Variants in EPB41 observed in about 807,000 individuals in gnomAD.
EPB41 encodes protein 4.1.
EPB41 carries 65 observed loss-of-function variants against 108.0 expected under a neutral mutation model. That is an observed-to-expected ratio of 0.60 (90% CI 0.49 to 0.74). The LOEUF (loss-of-function observed/expected upper bound fraction) is 0.74, where lower values mean the gene tolerates loss of function less well. Ranked by LOEUF, EPB41 falls within the 30% of genes least tolerant of loss-of-function variation. The pLI, the probability that EPB41 is intolerant of heterozygous loss-of-function variation, is 0.00. For missense variants in EPB41, 875 were observed against 1,037.0 expected (o/e 0.84, Z 2.15); for synonymous variants, 336 against 358.9 (o/e 0.94, Z 0.72).
chr1:28,951,303 A>G (rs1403930384), intron 1 of EPB41, among the ~76,000 whole-genome samples: 1 of 151,786 alleles, frequency 6.6e-6, no homozygotes, highest in Non-Finnish European at 1.5e-5. Context: ...AGGCTGAGCA[A>G]CATAAGACCC....
At chr1:28,888,359 G>A (rs1300409146) in intron 1 of EPB41, among the ~76,000 whole-genome samples, 1 of 152,254 alleles carries the variant, frequency 6.6e-6, no homozygotes, top group Non-Finnish European at 1.5e-5. Flanking sequence ...GCGCCCCGGA[G>A]CTTCAGCAAG....
At chr1:28,902,443 T>C (rs2091403956) in intron 1 of EPB41, 1 of 939,874 alleles carries the variant, frequency 1.1e-6, no homozygotes, top group Non-Finnish European at 1.3e-6. Flanking sequence ...GCAGAAATCA[T>C]AGCAGAGAGC....
chr1:29,003,387 G>A (rs1037871564), intron 4 of EPB41, among the ~76,000 whole-genome samples: 1 of 152,188 alleles, frequency 6.6e-6, no homozygotes, highest in African/African-American at 2.4e-5. Context: ...GTTTACTCCT[G>A]TAGCTCCTTG....
Position 28,993,330 on chromosome 1 carries a change from C to A in EPB41, c.469C>A (p.Pro157Thr). The stretch of plus-strand genomic sequence containing the variant: ...ACTTGGCGATGTCATGGATATGTAG[C>A]CTGCTCAGGAAGAACTCAGAGAAGA... Reference protein sequence around the residue: ...LHSLSSAETQPAQEELREDPD... With the variant: ...LHSLSSAETQTAQEELREDPD... The change falls in exon 3 of 21, where the codon CCT becomes ACT. Residue 157 changes from proline (P) to threonine (T), a missense_variant and splice_region_variant. Around this residue, in one of 3 missense-constraint regions of EPB41, gnomAD observed 353 missense variants for 393.2 expected, o/e 0.90. Coordinates refer to ENST00000343067, the MANE Select transcript of EPB41 (RefSeq NM_001376013.1). 2 of 1,611,840 alleles carry A rather than the reference C, an allele frequency of 1.2e-6. No individual in the cohort carries two copies. The highest frequency in any genetic ancestry group is 1.7e-6 in the Non-Finnish European group (2 of 1,179,558).
At position 29,113,433 on chromosome 1, in the gene EPB41, G is replaced by A. The variant is rs1003698462; in HGVS notation, c.2496+985G>A. Among the ~76,000 whole-genome samples, 3 of 152,214 alleles carry A rather than the reference G, an allele frequency of 2.0e-5. No individual in the cohort carries two copies. The East Asian group carries it at 5.8e-4, about 29-fold the overall frequency. ...TTACAGCTGAGAATAGTGGACACAG[G>A]GTCCCAGAAACAAGGCTGCAAAGCC... On this transcript the variant is annotated intron_variant, in intron 19 of 20. Transcript: ENST00000343067.
chr1:28,976,536 CAG>C (rs1323664246), intron 1 of EPB41, among the ~76,000 whole-genome samples: 1 of 151,714 alleles, frequency 6.6e-6, no homozygotes, highest in African/African-American at 2.4e-5. Context: ...TTATTTTTTG[CAG>C]AGACGAGGCC....
chr1:28,974,940 A>T (rs1045796803), intron 1 of EPB41, among the ~76,000 whole-genome samples: 5 of 152,058 alleles, frequency 3.3e-5, no homozygotes, highest in Middle Eastern at 3.4e-3. Flanking sequence ...GATTACAGGC[A>T]TGCGCCACCA....
At chr1:29,056,233 CAA>C (rs1388048465) in intron 12 of EPB41, among the ~76,000 whole-genome samples, 1 of 56,506 alleles carries the variant, frequency 1.8e-5, no homozygotes. Context: ...GACTCCGTCT[CAA>C]AAAAAAAAAA....
chr1:28,895,881 T>C (rs949638878), intron 1 of EPB41, among the ~76,000 whole-genome samples: 5 of 152,188 alleles, frequency 3.3e-5, no homozygotes, highest in African/African-American at 9.7e-5. Context: ...CCATGACCAG[T>C]ACACGGCTGG....
At chr1:28,934,666 TTGTGTG>T (rs1204147204) in intron 1 of EPB41, among the ~76,000 whole-genome samples, 36 of 136,400 alleles carry the variant, frequency 2.6e-4, no homozygotes, top group African/African-American at 6.3e-4. Context: ...TCTTTTGACA[TTGTGTG>T]TGTGTGTGTG....
At chr1:28,980,362 T>C (rs568175956) in intron 1 of EPB41, among the ~76,000 whole-genome samples, 3 of 151,812 alleles carry the variant, frequency 2.0e-5, no homozygotes, top group Admixed American at 1.3e-4. Context: ...ATAAAATACA[T>C]TTAAAAAATT....
chr1:29,033,043 G>A (rs1231269155), intron 8 of EPB41, 50 bp from the exon 9 acceptor site: 7 of 1,558,012 alleles, frequency 4.5e-6, no homozygotes, highest in East Asian at 4.5e-5. Context: ...AGTCAACAGT[G>A]TATTGAGTAC....
In EPB41 at chr1:29,058,602, A is replaced by G; in HGVS notation, c.1859A>G (p.His620Arg). Reference protein sequence around the residue: ...PTEAWKVEKTHIEVTVPTSNG... With the variant: ...PTEAWKVEKTRIEVTVPTSNG... Reference sequence around the variant, plus strand: ...TCTTAAATGTAGGTGGAAAAAACCCACATCGAGGTGACAGTACCCACCTCA... The same window carrying G: ...TCTTAAATGTAGGTGGAAAAAACCCGCATCGAGGTGACAGTACCCACCTCA... Residue 620 changes from histidine to arginine, a missense_variant, in exon 13 of 21, where the codon CAC becomes CGC. His to Arg is a conservative substitution (Grantham distance 29). Transcript: ENST00000343067. 1 of 1,613,794 alleles carries G rather than the reference A, an allele frequency of 6.2e-7. No homozygotes were observed. The highest frequency in any genetic ancestry group is 8.5e-7 in the Non-Finnish European group (1 of 1,179,804).
At chr1:28,970,149 T>C (rs2095461438) in intron 1 of EPB41, among the ~76,000 whole-genome samples, 1 of 152,234 alleles carries the variant, frequency 6.6e-6, no homozygotes, top group Non-Finnish European at 1.5e-5. Context: ...GCCAGTATTA[T>C]ATTTTCTGGT....
At chr1:29,094,769 T>G (rs1662596293) in intron 16 of EPB41, among the ~76,000 whole-genome samples, 1 of 152,216 alleles carries the variant, frequency 6.6e-6, no homozygotes, top group African/African-American at 2.4e-5. Flanking sequence ...AATAGGTCCA[T>G]CTACTGGGAT....
intron 1 of EPB41, among the ~76,000 whole-genome samples, chr1:28,968,978 C>T (rs2095428956): frequency 6.7e-6 from 1 of 149,264 alleles, no homozygotes; most frequent in Non-Finnish European, 1.5e-5. Flanking sequence ...AACCCCCCAC[C>T]CCCCAAAAAA....
Position 28,887,411 on chromosome 1 carries a change from A to T in EPB41, c.-8+201A>T, listed in dbSNP as rs2089540622. ...AAGGAGTCTGGGCATCTTAAAGTTC[A>T]GGGTGCAGGGAGGGGCGTGGGAGTC... is the stretch of plus-strand genomic sequence containing the variant. On this transcript the variant is annotated intron_variant, in intron 1 of 16. Coordinates refer to the EPB41 transcript ENST00000347529. This position sits in a 1 kb window ranked among gnomAD's most constrained non-coding sequence, Gnocchi z 4.9. 3.0e-6 allele frequency: 3 copies of T among 985,350 alleles called. No individual in the cohort carries two copies. Among genetic ancestry groups the T allele is most frequent in the African/African-American group, 3.5e-5 (2 of 57,336 alleles). The allele number at this position is 985,350 out of a possible 1,614,324, so 61.0% of individuals were successfully genotyped here.
chr1:28,982,369 A>G, intron 1 of EPB41: 1 of 706,318 alleles, frequency 1.4e-6, no homozygotes. Flanking sequence ...GGCTTTGGGC[A>G]TTAGGTGATT....
At chr1:29,082,668 G>T (rs1301715615) in intron 16 of EPB41, among the ~76,000 whole-genome samples, 2 of 152,120 alleles carry the variant, frequency 1.3e-5, no homozygotes, top group East Asian at 3.9e-4. Context: ...GACATGCTTA[G>T]TATAACCTTT....
Sources: allele counts gnomAD v4.1 joint callset (sites outside exome capture counted in the v4.1 genomes callset), GRCh38; gene constraint gnomAD v4.1.1; regional missense constraint gnomAD v4.1.1; non-coding constraint Gnocchi (gnomAD v3.1); transcripts MANE v1.5; gene names NCBI Gene and HGNC (gene_info 2026-07-23, HGNC 2026-07-21).